The following GSG1L variants were observed in gnomAD, a reference collection of about 807,000 sequenced individuals.
The protein encoded by GSG1L is germ cell-specific gene 1-like protein.
Under a neutral mutation model 42.1 loss-of-function variants are expected in GSG1L, and 24 were observed. That is an observed-to-expected ratio of 0.57 (90% CI 0.41 to 0.80). The LOEUF is 0.80. GSG1L is among the 30% of genes least tolerant of loss of function. The pLI, the probability that GSG1L is intolerant of heterozygous loss-of-function variation, is 0.00. For synonymous variants in GSG1L, 215 were observed against 203.5 expected, an observed-to-expected ratio of 1.06 and a Z score of -0.48; for missense variants, 445 against 472.2, an observed-to-expected ratio of 0.94 and a Z score of 0.53.
chr16:28,035,307 A>T (rs184627436), intron 1 of GSG1L, among the ~76,000 whole-genome samples: 4 of 152,292 alleles, frequency 2.6e-5, no homozygotes, highest in Admixed American at 2.6e-4. Flanking sequence ...CACCACGCCT[A>T]TCCTCAGCTG....
intron 4 of GSG1L, among the ~76,000 whole-genome samples, chr16:27,840,106 T>C (rs574053816): frequency 2.0e-5 from 3 of 151,564 alleles, no homozygotes; most frequent in East Asian, 1.9e-4. Flanking sequence ...CACAGTTCAC[T>C]GCAGCCTCAA....
chr16:27,939,774 AT>A (rs2084765297), intron 2 of GSG1L, among the ~76,000 whole-genome samples: 1 of 152,230 alleles, frequency 6.6e-6, no homozygotes, highest in South Asian at 2.1e-4. Flanking sequence ...CAGAGACTTC[AT>A]GCATCACCAA....
intron 1 of GSG1L, among the ~76,000 whole-genome samples, chr16:28,042,682 C>T (rs951787366): frequency 5.3e-5 from 8 of 152,194 alleles, no homozygotes; most frequent in South Asian, 4.1e-4. Context: ...ACACTGGGGA[C>T]AATTCTACCA....
rs137941002 is a variant in GSG1L at position 27,928,599 on chromosome 16, G to A, written c.397+34557C>T. On this transcript the variant is annotated intron_variant, in intron 2 of 6. Transcript: ENST00000447459. ...TCAGTCTGTCTGGACACCAGGGAGA[G>A]GCTTCTAATTGGATTCAGTCAGGCT... 1.5e-4 allele frequency among the ~76,000 whole-genome samples: 23 copies of A among 152,328 alleles called. No individual in the cohort carries two copies. In the East Asian group the frequency reaches 3.5e-3, roughly 23 times the overall value.
intron 1 of GSG1L, among the ~76,000 whole-genome samples, chr16:28,026,489 C>T (rs934334939): frequency 2.6e-5 from 4 of 152,168 alleles, no homozygotes; most frequent in Non-Finnish European, 4.4e-5. Context: ...AGTCGGCTTT[C>T]GCTGCCAGAA....
chr16:28,012,585 A>AG (rs1283963244), intron 1 of GSG1L, among the ~76,000 whole-genome samples: 1 of 17,790 alleles, frequency 5.6e-5, no homozygotes, highest in Non-Finnish European at 5.7e-4. Flanking sequence ...AATTTTATAC[A>AG]AAAAAAAAAG....
rs767136296 is a variant in GSG1L at position 27,884,814 on chromosome 16, C to T, written c.398-176G>A. Among the ~76,000 whole-genome samples, 2 of 152,152 alleles carry T rather than the reference C, an allele frequency of 1.3e-5. No homozygotes were observed. The highest frequency in any genetic ancestry group is 6.5e-5 in the Admixed American group (1 of 15,282). On this transcript the variant is annotated intron_variant, in intron 2 of 6. Coordinates refer to ENST00000447459, the MANE Select transcript of GSG1L (RefSeq NM_001109763.2). This position sits in a 1 kb window ranked among gnomAD's most constrained non-coding sequence, Gnocchi z 4.4. ...CCGTCCCATCCTTGTCTGCAGGGGC[C>T]GGCTCAGGGACCGAAGCTTAAGTCA...
chr16:27,881,839 C>T (rs1357851164), intron 3 of GSG1L, among the ~76,000 whole-genome samples: 1 of 152,166 alleles, frequency 6.6e-6, no homozygotes, highest in Non-Finnish European at 1.5e-5. Context: ...TCCCCAAGCC[C>T]AGCTGACTTT....
At chr16:27,851,145 G>A (rs2083509838) in intron 3 of GSG1L, among the ~76,000 whole-genome samples, 6 of 152,158 alleles carry the variant, frequency 3.9e-5, no homozygotes, top group South Asian at 4.1e-4. Context: ...ATTGGGATGC[G>A]TTACCCAAGA....
chr16:28,005,558 G>A (rs781431263), intron 1 of GSG1L, among the ~76,000 whole-genome samples: 4 of 151,724 alleles, frequency 2.6e-5, no homozygotes, highest in Non-Finnish European at 5.9e-5. Flanking sequence ...CTATAAAAAC[G>A]TTCGCTCCAA....
At chr16:27,891,277 G>T (rs143890194) in intron 2 of GSG1L, among the ~76,000 whole-genome samples, 2 of 152,152 alleles carry the variant, frequency 1.3e-5, no homozygotes, top group Non-Finnish European at 2.9e-5. Flanking sequence ...GTGAAAAAGT[G>T]ATTCTCTTTT....
At chr16:28,038,387 C>G (rs1240839639) in intron 1 of GSG1L, among the ~76,000 whole-genome samples, 3 of 152,282 alleles carry the variant, frequency 2.0e-5, no homozygotes, top group African/African-American at 7.2e-5. Context: ...CAGGATCATG[C>G]TCAGGAAGCG....
chr16:27,933,225 C>A (rs1026021018), intron 2 of GSG1L, among the ~76,000 whole-genome samples: 2 of 152,040 alleles, frequency 1.3e-5, no homozygotes, highest in Non-Finnish European at 2.9e-5. Context: ...CATTCAGGAC[C>A]ATAGCCTTGA....
chr16:28,044,844 T>C (rs205397), intron 1 of GSG1L, among the ~76,000 whole-genome samples: 135,605 of 151,918 alleles, frequency 0.89, 60,643 homozygotes, highest in African/African-American at 0.94. Context: ...AGGCTGGTCT[T>C]GAACTCCTGA....
rs75796698 is a variant in GSG1L, at chr16:27,802,502, G to A, written c.898+4985C>T. Among the ~76,000 whole-genome samples, 361 of 152,208 alleles carry A rather than the reference G, an allele frequency of 2.4e-3. 12 individuals carry two copies. In the East Asian group the frequency reaches 0.061, roughly 26 times the overall value. Reference sequence around the variant, plus strand: ...CTACCTGATAAAAGGTACACCTGGCGCAGGGGTTGTGGGGTCTCAGGCTCT... The same window carrying A: ...CTACCTGATAAAAGGTACACCTGGCACAGGGGTTGTGGGGTCTCAGGCTCT... On this transcript the variant is annotated intron_variant, in intron 6 of 6. Coordinates refer to ENST00000447459, the MANE Select transcript of GSG1L (RefSeq NM_001109763.2).
chr16:27,926,949 G>A (rs1384983728), intron 2 of GSG1L, among the ~76,000 whole-genome samples: 3 of 152,104 alleles, frequency 2.0e-5, no homozygotes, highest in Non-Finnish European at 4.4e-5. Context: ...GAGGCTCGGA[G>A]GGTTTAGAAA....
At chr16:28,053,703 C>T (rs183448046) in intron 1 of GSG1L, among the ~76,000 whole-genome samples, 2 of 152,194 alleles carry the variant, frequency 1.3e-5, no homozygotes, top group South Asian at 4.1e-4. Flanking sequence ...GCACCCTCCT[C>T]CCTGTGTGTG....
At chr16:28,025,544 C>T (rs1171639050) in intron 1 of GSG1L, among the ~76,000 whole-genome samples, 1 of 152,240 alleles carries the variant, frequency 6.6e-6, no homozygotes, top group Non-Finnish European at 1.5e-5. Context: ...TCCGCAGGCC[C>T]CCAACGCTGC....
At chr16:28,017,340 G>A (rs182848391) in intron 1 of GSG1L, among the ~76,000 whole-genome samples, 146 of 152,358 alleles carry the variant, frequency 9.6e-4, no homozygotes, top group Non-Finnish European at 1.7e-3. Flanking sequence ...CAGCGAGGAC[G>A]TGGGCAACAC....
Sources: gnomAD v4.1 joint callset for allele counts (sites outside exome capture counted in the v4.1 genomes callset) on GRCh38, gnomAD v4.1.1 for gene constraint, Gnocchi (gnomAD v3.1) non-coding constraint, MANE v1.5 for transcripts, NCBI Gene and HGNC (gene_info 2026-07-23, HGNC 2026-07-21) for gene names.